The following PARD3B variants were observed in gnomAD, a reference collection of about 807,000 sequenced individuals.
PARD3B encodes the protein par-3 family cell polarity regulator beta.
Under a neutral mutation model 130.2 loss-of-function variants are expected in PARD3B, and 103 were observed. The observed-to-expected ratio is 0.79, with a 90% CI of 0.67 to 0.93. The LOEUF (loss-of-function observed/expected upper bound fraction) is 0.93, where lower values mean the gene tolerates loss of function less well. Among genes scored for constraint, PARD3B ranks in the 40% least tolerant of loss-of-function variants. PARD3B has a pLI of 0.00. For missense variants in PARD3B, 1,609 were observed against 1,499.2 expected, an observed-to-expected ratio of 1.07 and a Z score of -1.21; for synonymous variants, 583 against 553.2, an observed-to-expected ratio of 1.05 and a Z score of -0.76.
At chr2:205,017,407 C>T (rs565219950) in intron 3 of PARD3B, among the ~76,000 whole-genome samples, 1 of 152,144 alleles carries the variant, frequency 6.6e-6, no homozygotes, top group African/African-American at 2.4e-5. Flanking sequence ...CAGTTGCCCC[C>T]CCATTCCTTT....
intron 18 of PARD3B, among the ~76,000 whole-genome samples, chr2:205,375,620 A>G (rs1454609551): frequency 4.6e-5 from 7 of 152,184 alleles, no homozygotes; most frequent in Admixed American, 2.0e-4. Context: ...CAGAGAACAC[A>G]AGGGCCTGCT....
chr2:204,635,707 G>A (rs1310906441), intron 1 of PARD3B, among the ~76,000 whole-genome samples: 1 of 152,146 alleles, frequency 6.6e-6, no homozygotes, highest in Non-Finnish European at 1.5e-5. Context: ...TTCGGGCCTG[G>A]CTCTGCCAAC....
chr2:205,523,225 GTATATATA>G (rs906912640), intron 21 of PARD3B, among the ~76,000 whole-genome samples: 1 of 142,958 alleles, frequency 7.0e-6, no homozygotes, highest in African/African-American at 2.6e-5. Flanking sequence ...GTGTGTGTGT[GTATATATA>G]TATATATATT....
rs1472457784 is a variant in PARD3B, at chr2:205,618,345, T to C, written c.*2532T>C. 1.3e-5 allele frequency: 2 copies of C among 152,210 alleles called. No homozygotes were observed. Among genetic ancestry groups the C allele is most frequent in the Non-Finnish European group, 2.9e-5 (2 of 68,046 alleles). 9.4% of individuals were successfully genotyped at this position (152,210 alleles called of 1,614,324 possible). A position where few individuals can be genotyped will look rare whatever the true frequency, so the allele number is the denominator to read the frequency against. ...AGTGTAAGATTTATAAATGCCCGTG[T>C]ACTCACCCTTCAATTGTTACCACCC... On this transcript the variant is annotated 3_prime_UTR_variant, in exon 23 of 23. Transcript: ENST00000406610.
At chr2:204,934,575 T>C (rs1041526652) in intron 2 of PARD3B, among the ~76,000 whole-genome samples, 1 of 152,144 alleles carries the variant, frequency 6.6e-6, no homozygotes, top group Non-Finnish European at 1.5e-5. Context: ...TTATAGAATG[T>C]ATAGCTAGGC....
chr2:204,558,004 G>T (rs976292638), intron 1 of PARD3B: 2 of 152,060 alleles, frequency 1.3e-5, no homozygotes, highest in African/African-American at 4.8e-5. Flanking sequence ...CAATTTTGAT[G>T]GATTCTTTAT....
rs559308278 is a variant in PARD3B, at chr2:204,607,828, G to A, written c.120+61709G>A. Reference sequence around the variant, plus strand: ...CTGTAAATAGGTTGCTTAGAGTTCTGTTCCTTGGGAGTTTTACAGCTGATC... The same window carrying A: ...CTGTAAATAGGTTGCTTAGAGTTCTATTCCTTGGGAGTTTTACAGCTGATC... On this transcript the variant is annotated intron_variant, in intron 1 of 22. Transcript: ENST00000406610. Among the ~76,000 whole-genome samples, 64 of 152,262 alleles carry A rather than the reference G, an allele frequency of 4.2e-4. 1 individual carries two copies. In the Middle Eastern group the frequency reaches 0.017, roughly 40 times the overall value.
chr2:205,515,147 A>T (rs1019656842), intron 21 of PARD3B, among the ~76,000 whole-genome samples: 1 of 150,908 alleles, frequency 6.6e-6, no homozygotes, highest in Non-Finnish European at 1.5e-5. Flanking sequence ...AGCTCCATCC[A>T]TGTTTGTTTG....
At chr2:205,154,126 A>G (rs1429596021) in intron 10 of PARD3B, among the ~76,000 whole-genome samples, 4 of 152,196 alleles carry the variant, frequency 2.6e-5, no homozygotes, top group Admixed American at 1.3e-4. Context: ...AGAATGGGAG[A>G]AAATTTTTGC....
At chr2:204,846,417 A>G (rs1376534198) in intron 2 of PARD3B, among the ~76,000 whole-genome samples, 1 of 152,078 alleles carries the variant, frequency 6.6e-6, no homozygotes, top group African/African-American at 2.4e-5. Context: ...AGAGAAATAC[A>G]TAGGCGTGTA....
At chr2:205,083,956 A>G (rs1010574037) in intron 4 of PARD3B, among the ~76,000 whole-genome samples, 5 of 152,274 alleles carry the variant, frequency 3.3e-5, no homozygotes, top group Non-Finnish European at 7.4e-5. Context: ...CGACATTTAT[A>G]TATAAATACT....
chr2:204,800,022 C>T (rs2042510455), intron 2 of PARD3B, among the ~76,000 whole-genome samples: 1 of 152,088 alleles, frequency 6.6e-6, no homozygotes, highest in South Asian at 2.1e-4. Context: ...CGTGATCTCA[C>T]CAAACAAATA....
At chr2:204,608,683 G>C (rs898185154) in intron 1 of PARD3B, among the ~76,000 whole-genome samples, 4 of 152,160 alleles carry the variant, frequency 2.6e-5, no homozygotes, top group Non-Finnish European at 5.9e-5. Context: ...GAATTACCCA[G>C]ACAGTAGATT....
chr2:205,477,644 G>A (rs534621158), intron 20 of PARD3B, among the ~76,000 whole-genome samples: 2 of 152,054 alleles, frequency 1.3e-5, no homozygotes, highest in South Asian at 4.1e-4. Context: ...TTGCTCTTGT[G>A]TCTAGGAAAG....
intron 2 of PARD3B, among the ~76,000 whole-genome samples, chr2:204,777,917 T>G (rs2041693200): frequency 6.6e-6 from 1 of 152,126 alleles, no homozygotes; most frequent in South Asian, 2.1e-4. Flanking sequence ...GATAGTGAGT[T>G]TCATGAGCTC....
At chr2:205,522,317 TTTATTTTTCCTTTGATCAAGAATGA>T (rs1458544436) in intron 21 of PARD3B, among the ~76,000 whole-genome samples, 6 of 150,742 alleles carry the variant, frequency 4.0e-5, no homozygotes, top group African/African-American at 1.5e-4. Flanking sequence ...TATTAAAGAC[TTTATTTTTCCTTTGATCAAGAATGA>T]TTTATATGAT....
At chr2:205,065,018 A>G (rs746337753) in intron 4 of PARD3B, among the ~76,000 whole-genome samples, 38 of 152,224 alleles carry the variant, frequency 2.5e-4, no homozygotes, top group Non-Finnish European at 4.4e-4. Flanking sequence ...GGGAATCTGC[A>G]TCTTAGACAA....
At chr2:204,644,546 GT>G (rs2035206275) in intron 1 of PARD3B, among the ~76,000 whole-genome samples, 1 of 152,146 alleles carries the variant, frequency 6.6e-6, no homozygotes, top group African/African-American at 2.4e-5. Context: ...AGCAAAATAT[GT>G]GGTCTCTTTC....
intron 20 of PARD3B, among the ~76,000 whole-genome samples, chr2:205,449,471 T>A (rs1468428796): frequency 6.6e-6 from 1 of 152,108 alleles, no homozygotes; most frequent in Non-Finnish European, 1.5e-5. Flanking sequence ...CCTCAGGTGA[T>A]CCACCCGCCT....
Sources: allele counts gnomAD v4.1 joint callset (sites outside exome capture counted in the v4.1 genomes callset), GRCh38; gene constraint gnomAD v4.1.1; transcripts MANE v1.5; gene names NCBI Gene and HGNC (gene_info 2026-07-23, HGNC 2026-07-21).